Variants in PLCB4 observed in about 807,000 individuals in gnomAD.
PLCB4 encodes 1-phosphatidylinositol 4,5-bisphosphate phosphodiesterase beta-4.
In PLCB4, 77 loss-of-function variants were observed where a neutral mutation model predicts 178.8. That is an observed-to-expected ratio of 0.43 (90% CI 0.36 to 0.52). PLCB4 has a LOEUF of 0.52. PLCB4 is among the 20% of genes least tolerant of loss of function. The probability of loss-of-function intolerance (pLI) is 0.00; values close to 1 mark genes in which losing one functional copy is unlikely to be tolerated. For synonymous variants in PLCB4, 496 were observed against 490.8 expected, an observed-to-expected ratio of 1.01 and a Z score of -0.14; for missense variants, 1,024 against 1,453.4, an observed-to-expected ratio of 0.70 and a Z score of 4.80.
chr20:9,218,990 G>T (rs181493561), intron 3 of PLCB4, among the ~76,000 whole-genome samples: 1 of 152,174 alleles, frequency 6.6e-6, no homozygotes, highest in East Asian at 1.9e-4. Context: ...TCCTTAAATA[G>T]GTCATTTTTC....
chr20:9,359,696 G>T (rs2035151734), intron 7 of PLCB4, among the ~76,000 whole-genome samples: 1 of 152,160 alleles, frequency 6.6e-6, no homozygotes, highest in Non-Finnish European at 1.5e-5. Flanking sequence ...AATGACTTGT[G>T]TTCCAAGGAC....
intron 3 of PLCB4, among the ~76,000 whole-genome samples, chr20:9,286,089 A>G (rs2094534122): frequency 6.6e-6 from 1 of 151,994 alleles, no homozygotes; most frequent in Non-Finnish European, 1.5e-5. Flanking sequence ...AGTGCACTTT[A>G]CCATTAAAAG....
intron 2 of PLCB4, among the ~76,000 whole-genome samples, chr20:9,122,723 A>T (rs2091999601): frequency 6.6e-6 from 1 of 152,178 alleles, no homozygotes; most frequent in Non-Finnish European, 1.5e-5. Context: ...TGTTGGCCCA[A>T]GTTTGGAGAC....
intron 35 of PLCB4, among the ~76,000 whole-genome samples, chr20:9,461,744 G>A (rs1042595641): frequency 6.6e-5 from 10 of 152,282 alleles, no homozygotes; most frequent in Admixed American, 6.5e-4. Context: ...GGTAAACAAA[G>A]TGGCCAGGAA....
rs984677588 is a variant in PLCB4, at chr20:9,444,161, CT to C, written c.2815-16del. 4 of 1,568,402 alleles carry C rather than the reference CT, an allele frequency of 2.6e-6. No individual in the cohort carries two copies. The African/African-American group carries it at 5.5e-5, about 21-fold the overall frequency. ...AAAAACAAAAAACCTATTTTTGATT[CT>C]ATTTTTCTCCCAAAGGCTTACTTGA... is the stretch of plus-strand genomic sequence containing the variant. On this transcript the variant is annotated splice_polypyrimidine_tract_variant and intron_variant, in intron 31 of 39. Transcript: ENST00000378473.
At chr20:9,101,276 C>G (rs1015515320) in intron 2 of PLCB4, among the ~76,000 whole-genome samples, 2 of 152,132 alleles carry the variant, frequency 1.3e-5, no homozygotes, top group African/African-American at 2.4e-5. Flanking sequence ...AAACCCCAGG[C>G]TCTATCGTCC....
intron 2 of PLCB4, among the ~76,000 whole-genome samples, chr20:9,129,398 G>A (rs1473029464): frequency 2.0e-5 from 3 of 152,134 alleles, no homozygotes; most frequent in African/African-American, 2.4e-5. Context: ...GGATCAGACC[G>A]CAGTTACCCT....
chr20:9,334,666 T>C (rs374463223), intron 4 of PLCB4, among the ~76,000 whole-genome samples: 2 of 152,170 alleles, frequency 1.3e-5, no homozygotes, highest in East Asian at 3.9e-4. Context: ...GATTGCAATA[T>C]TGGGCTGCTT....
chr20:9,448,940 G>C (rs1052887599), intron 32 of PLCB4, among the ~76,000 whole-genome samples: 9 of 152,050 alleles, frequency 5.9e-5, no homozygotes, highest in Non-Finnish European at 1.2e-4. Context: ...TTAGGATATT[G>C]AGAAGAAAAG....
intron 7 of PLCB4, among the ~76,000 whole-genome samples, chr20:9,340,488 C>T (rs1329956160): frequency 2.0e-5 from 3 of 152,048 alleles, no homozygotes; most frequent in Non-Finnish European, 4.4e-5. Context: ...AGTGGATGCT[C>T]GATGTCACAT....
intron 3 of PLCB4, among the ~76,000 whole-genome samples, chr20:9,301,258 G>A (rs1348121699): frequency 5.9e-5 from 9 of 151,830 alleles, no homozygotes; most frequent in Admixed American, 5.3e-4. Flanking sequence ...GTTAGGAGGT[G>A]GGTATCTTTT....
intron 3 of PLCB4, among the ~76,000 whole-genome samples, chr20:9,236,383 T>G (rs920589784): frequency 1.3e-5 from 2 of 152,194 alleles, no homozygotes; most frequent in Non-Finnish European, 2.9e-5. Context: ...TGCTGGTAAT[T>G]ATGTAATGAT....
At chr20:9,413,113 G>T (rs2039971446) in intron 25 of PLCB4, among the ~76,000 whole-genome samples, 1 of 152,322 alleles carries the variant, frequency 6.6e-6, no homozygotes, top group South Asian at 2.1e-4. Context: ...AGGACCCCAA[G>T]GAGTCAGCCT....
intron 1 of PLCB4, among the ~76,000 whole-genome samples, chr20:9,084,347 G>A (rs2090300140): frequency 6.6e-6 from 1 of 152,106 alleles, no homozygotes. Context: ...AATTTGATAA[G>A]TAATGTGTAT....
intron 19 of PLCB4, among the ~76,000 whole-genome samples, chr20:9,397,077 C>G (rs1364154196): frequency 6.6e-6 from 1 of 152,210 alleles, no homozygotes; most frequent in East Asian, 1.9e-4. Context: ...AGCAGAGCTT[C>G]TTTCAAAATT....
At chr20:9,423,984 A>G in intron 28 of PLCB4, 32 bp downstream of exon 28, 1 of 1,272,646 alleles carries the variant, frequency 7.9e-7, no homozygotes, top group Non-Finnish European at 1.1e-6. Context: ...GGAATATGAT[A>G]TAGATGAGGT....
chr20:9,071,732 GAAAGATT>G (rs1391279145), intron 1 of PLCB4, among the ~76,000 whole-genome samples: 1 of 152,146 alleles, frequency 6.6e-6, no homozygotes, highest in East Asian at 1.9e-4. Flanking sequence ...GGTAATGTAA[GAAAGATT>G]TTGGATTTCT....
intron 3 of PLCB4, among the ~76,000 whole-genome samples, chr20:9,222,910 C>T (rs1322083464): frequency 7.9e-5 from 12 of 152,258 alleles, no homozygotes; most frequent in Middle Eastern, 3.4e-3. Flanking sequence ...GAGGCAGCAC[C>T]GTGGTCCAGA....
Position 9,237,686 on chromosome 20 carries a change from A to G in PLCB4, c.-16+20234A>G, listed in dbSNP as rs138759323. Among the ~76,000 whole-genome samples the G allele has an allele frequency of 5.8e-3, 888 of 152,354 alleles. 10 individuals carry two copies. The highest frequency in any genetic ancestry group is 0.019 in the African/African-American group (808 of 41,574). On this transcript the variant is annotated intron_variant, in intron 3 of 39. Transcript: ENST00000378473. The stretch of plus-strand genomic sequence containing the variant: ...CAGTAGTGCTACCAAAGTTTGCACA[A>G]GAAAAGAGGAATTTTAAGTGGTGTT...
Sources: allele counts gnomAD v4.1 joint callset (sites outside exome capture counted in the v4.1 genomes callset), GRCh38; gene constraint gnomAD v4.1.1; transcripts MANE v1.5; gene names NCBI Gene and HGNC (gene_info 2026-07-23, HGNC 2026-07-21).